The following HCRTR2 variants were observed in gnomAD, a reference collection of about 807,000 sequenced individuals.
HCRTR2 encodes the protein orexin receptor type 2.
Under a neutral mutation model 49.0 loss-of-function variants are expected in HCRTR2, and 22 were observed. The ratio of observed to expected loss-of-function variants is 0.45; its 90% CI spans 0.32 to 0.64. HCRTR2 has a LOEUF of 0.64. HCRTR2 is among the 30% of genes least tolerant of loss of function. HCRTR2 has a pLI of 0.04. For synonymous variants in HCRTR2, 236 were observed against 205.3 expected, an observed-to-expected ratio of 1.15 and a Z score of -1.28; for missense variants, 491 against 559.4, an observed-to-expected ratio of 0.88 and a Z score of 1.23.
chr6:55,245,359 C>T (rs556024499), intron 1 of HCRTR2, among the ~76,000 whole-genome samples: 2 of 137,020 alleles, frequency 1.5e-5, no homozygotes, highest in East Asian at 2.1e-4. Context: ...ACAAGGGAAC[C>T]GATGTGTGTG....
chr6:55,281,725 A>T (rs956849118), intron 6 of HCRTR2, among the ~76,000 whole-genome samples: 3 of 152,182 alleles, frequency 2.0e-5, no homozygotes, highest in African/African-American at 7.2e-5. Flanking sequence ...TATATAGATT[A>T]TGAAACTGAA....
intron 1 of HCRTR2, among the ~76,000 whole-genome samples, chr6:55,181,648 TC>T (rs1380825805): frequency 6.6e-6 from 1 of 152,112 alleles, no homozygotes; most frequent in African/African-American, 2.4e-5. Flanking sequence ...GAAAAAAAAC[TC>T]AAGTGCTTGA....
chr6:55,280,773 C>A (rs1039456358), intron 6 of HCRTR2, among the ~76,000 whole-genome samples: 1 of 152,098 alleles, frequency 6.6e-6, no homozygotes, highest in East Asian at 1.9e-4. Flanking sequence ...TTCTGTTTTG[C>A]CTTGCTATAT....
intron 1 of HCRTR2, among the ~76,000 whole-genome samples, chr6:55,146,805 C>A (rs12209331): frequency 0.31 from 46,939 of 151,954 alleles, 8,315 homozygotes; most frequent in Middle Eastern, 0.51. Flanking sequence ...TGGAGTGGGG[C>A]CCATGATGTT....
At chr6:55,257,060 G>T (rs902108776) in intron 3 of HCRTR2, among the ~76,000 whole-genome samples, 3 of 152,052 alleles carry the variant, frequency 2.0e-5, no homozygotes, top group Non-Finnish European at 2.9e-5. Context: ...AGAGGGAAAA[G>T]GATGTCCAGA....
rs141913904 is a variant in HCRTR2, at chr6:55,202,671, C to T, written c.223+27861C>T. 3.1e-3 allele frequency among the ~76,000 whole-genome samples: 479 copies of T among 152,174 alleles called. 1 individual carries two copies. The highest frequency in any genetic ancestry group is 0.011 in the African/African-American group (459 of 41,518). On this transcript the variant is annotated intron_variant, in intron 1 of 6. Coordinates refer to ENST00000370862, the MANE Select transcript of HCRTR2 (RefSeq NM_001384272.1). ...TGTCTCTTTTTTAGAATATTAATCTCGTTCATGAAGGCTCTGCTCTCATGA... is the reference window on the plus strand; with the variant it reads ...TGTCTCTTTTTTAGAATATTAATCTTGTTCATGAAGGCTCTGCTCTCATGA...
intron 1 of HCRTR2, among the ~76,000 whole-genome samples, chr6:55,179,882 G>A (rs868268214): frequency 3.9e-5 from 6 of 152,020 alleles, no homozygotes; most frequent in East Asian, 1.9e-4. Context: ...ACTCCGCTCC[G>A]AAACATCCAC....
At chr6:55,202,903 C>G (rs767202403) in intron 1 of HCRTR2, among the ~76,000 whole-genome samples, 5 of 152,186 alleles carry the variant, frequency 3.3e-5, no homozygotes, top group African/African-American at 1.2e-4. Context: ...TGCCACCCAA[C>G]GCACACATCC....
chr6:55,124,486 C>A (rs906145574), intron 1 of HCRTR2, among the ~76,000 whole-genome samples: 2 of 148,722 alleles, frequency 1.3e-5, no homozygotes, highest in African/African-American at 2.4e-5. Flanking sequence ...GAGACTGTTG[C>A]AATTTCCGTT....
chr6:55,220,506 C>A (rs1765870324), intron 1 of HCRTR2, among the ~76,000 whole-genome samples: 1 of 151,914 alleles, frequency 6.6e-6, no homozygotes, highest in Admixed American at 6.6e-5. Context: ...AGTTTAATAC[C>A]CTTTCGTAAT....
rs1464374929 is a variant in HCRTR2 at position 55,187,199 on chromosome 6, G to T, written c.223+12389G>T. On this transcript the variant is annotated intron_variant, in intron 1 of 6. Transcript: ENST00000370862. ...AGGCGGGTGGATCATGAGTTCAAGA[G>T]ATCGAGACCATCCTGGCCAACATGG... is the stretch of plus-strand genomic sequence containing the variant. Among the ~76,000 whole-genome samples the T allele has an allele frequency of 2.0e-5, 3 of 152,012 alleles. No homozygotes were observed. The East Asian group carries it at 5.8e-4, about 29-fold the overall frequency.
chr6:55,168,386 G>A (rs1276754795), intron 1 of HCRTR2, among the ~76,000 whole-genome samples: 1 of 152,110 alleles, frequency 6.6e-6, no homozygotes, highest in Non-Finnish European at 1.5e-5. Flanking sequence ...GACACAGCTG[G>A]AAAATTGAAA....
intron 1 of HCRTR2, among the ~76,000 whole-genome samples, chr6:55,142,738 G>A (rs539652901): frequency 1.1e-4 from 17 of 151,644 alleles, no homozygotes; most frequent in Admixed American, 2.0e-4. Flanking sequence ...TGCACACACC[G>A]AGATTTAATA....
chr6:55,163,113 G>T (rs1764828612), intron 1 of HCRTR2, among the ~76,000 whole-genome samples: 1 of 152,026 alleles, frequency 6.6e-6, no homozygotes, highest in South Asian at 2.1e-4. Flanking sequence ...GCAGGCGCCT[G>T]TAGTCCCAGC....
At chr6:55,279,801 G>A (rs1304354359) in intron 5 of HCRTR2, among the ~76,000 whole-genome samples, 4 of 151,776 alleles carry the variant, frequency 2.6e-5, no homozygotes, top group South Asian at 2.1e-4. Flanking sequence ...CCAAAATTCT[G>A]CCCATCGAGA....
chr6:55,205,119 C>T (rs1340776198), intron 1 of HCRTR2, among the ~76,000 whole-genome samples: 1 of 152,086 alleles, frequency 6.6e-6, no homozygotes, highest in South Asian at 2.1e-4. Context: ...AATGTCTATT[C>T]GATAACCAAG....
intron 1 of HCRTR2, among the ~76,000 whole-genome samples, chr6:55,221,903 C>T (rs764534186): frequency 1.3e-4 from 20 of 151,390 alleles, no homozygotes; most frequent in Admixed American, 4.6e-4. Flanking sequence ...GCAATAATTT[C>T]TTGTATACGA....
At chr6:55,208,612 A>T (rs1765646335) in intron 1 of HCRTR2, among the ~76,000 whole-genome samples, 1 of 152,050 alleles carries the variant, frequency 6.6e-6, no homozygotes, top group African/African-American at 2.4e-5. Context: ...ACAAAGTTTT[A>T]TTCGTGATGT....
chr6:55,174,863 C>T (rs1278859065), intron 1 of HCRTR2, 53 bp downstream of exon 1: 7 of 1,467,484 alleles, frequency 4.8e-6, no homozygotes, highest in Non-Finnish European at 6.7e-6. Context: ...CTCTCCGCCC[C>T]GGGCTGAGAA....
Sources: gnomAD v4.1 joint callset for allele counts (sites outside exome capture counted in the v4.1 genomes callset) on GRCh38, gnomAD v4.1.1 for gene constraint, MANE v1.5 for transcripts, NCBI Gene and HGNC (gene_info 2026-07-23, HGNC 2026-07-21) for gene names.